The following PLEKHG1 variants were observed in gnomAD, a reference collection of about 807,000 sequenced individuals.
The protein encoded by PLEKHG1 is pleckstrin homology domain-containing family G member 1.
In PLEKHG1, 44 loss-of-function variants were observed where a neutral mutation model predicts 100.8. The observed-to-expected ratio is 0.44, with a 90% CI of 0.34 to 0.56. The LOEUF is 0.56. PLEKHG1 is among the 20% of genes least tolerant of loss of function. The pLI is 0.01. For missense variants in PLEKHG1, 1,545 were observed against 1,720.9 expected (o/e 0.90, Z 1.81); for synonymous variants, 640 against 662.5 (o/e 0.97, Z 0.52).
chr6:150,694,787 TA>T (rs1780482129), intron 3 of PLEKHG1, among the ~76,000 whole-genome samples: 1 of 152,168 alleles, frequency 6.6e-6, no homozygotes, highest in South Asian at 2.1e-4. Flanking sequence ...TTTATATTAT[TA>T]AGTAGTCCTC....
intron 1 of PLEKHG1, among the ~76,000 whole-genome samples, chr6:150,723,594 A>G (rs1258399884): frequency 3.9e-5 from 6 of 152,170 alleles, no homozygotes; most frequent in East Asian, 1.9e-4. Context: ...TTTTTTCCCC[A>G]TCTATACAGT....
intron 2 of PLEKHG1, among the ~76,000 whole-genome samples, chr6:150,741,867 A>C (rs983668106): frequency 6.6e-6 from 1 of 152,212 alleles, no homozygotes; most frequent in African/African-American, 2.4e-5. Flanking sequence ...TATGAGGGAG[A>C]GTTGTGTACG....
intron 1 of PLEKHG1, among the ~76,000 whole-genome samples, chr6:150,610,329 C>T (rs373147568): frequency 7.2e-5 from 11 of 152,110 alleles, no homozygotes; most frequent in Admixed American, 3.9e-4. Context: ...CCCGAACTCC[C>T]GACCTTAAGT....
intron 2 of PLEKHG1, among the ~76,000 whole-genome samples, chr6:150,762,488 T>C (rs930118071): frequency 1.3e-5 from 2 of 151,994 alleles, no homozygotes; most frequent in Non-Finnish European, 2.9e-5. Context: ...CATGAGCCAC[T>C]GTGCCCGGCC....
intron 3 of PLEKHG1, among the ~76,000 whole-genome samples, chr6:150,661,245 ATC>A (rs1779177677): frequency 6.6e-6 from 1 of 152,224 alleles, no homozygotes. Context: ...CCACCAAAAT[ATC>A]TCTCTCAACA....
At chr6:150,767,118 AT>A (rs1333745440) in intron 2 of PLEKHG1, among the ~76,000 whole-genome samples, 1 of 152,228 alleles carries the variant, frequency 6.6e-6, no homozygotes, top group Non-Finnish European at 1.5e-5. Context: ...AGAAATATCA[AT>A]GAATATATTT....
At chr6:150,637,296 G>T (rs1328228393) in intron 1 of PLEKHG1, among the ~76,000 whole-genome samples, 1 of 150,592 alleles carries the variant, frequency 6.6e-6, no homozygotes, top group Non-Finnish European at 1.5e-5. Flanking sequence ...ACTTGAAGGA[G>T]ATTTTCCCAG....
chr6:150,742,755 A>AT (rs1014289518), intron 2 of PLEKHG1, among the ~76,000 whole-genome samples: 4 of 152,080 alleles, frequency 2.6e-5, no homozygotes, highest in Non-Finnish European at 5.9e-5. Context: ...GATCCAAACT[A>AT]TATCAGTAAC....
At chr6:150,822,737 T>A (rs1212821863) in intron 13 of PLEKHG1, among the ~76,000 whole-genome samples, 1 of 152,236 alleles carries the variant, frequency 6.6e-6, no homozygotes, top group Non-Finnish European at 1.5e-5. Flanking sequence ...ACCAACACTT[T>A]GGGAGGCCGA....
chr6:150,667,009 C>T (rs1486044757), intron 3 of PLEKHG1, among the ~76,000 whole-genome samples: 5 of 152,136 alleles, frequency 3.3e-5, no homozygotes, highest in Non-Finnish European at 7.4e-5. Context: ...CCACCCAACT[C>T]GGCCTCCCAA....
At chr6:150,710,685 C>T (rs1389506549) in intron 3 of PLEKHG1, among the ~76,000 whole-genome samples, 2 of 151,750 alleles carry the variant, frequency 1.3e-5, no homozygotes, top group Non-Finnish European at 2.9e-5. Context: ...AACAAGATTG[C>T]CCAGAAAAAA....
At chr6:150,798,674 A>G (rs535643850) in intron 5 of PLEKHG1, among the ~76,000 whole-genome samples, 3 of 152,374 alleles carry the variant, frequency 2.0e-5, no homozygotes, top group Middle Eastern at 3.4e-3. Flanking sequence ...TCAAATAAAT[A>G]TAAATTAACA....
At chr6:150,805,866 A>G (rs1787056020) in intron 7 of PLEKHG1, among the ~76,000 whole-genome samples, 1 of 152,136 alleles carries the variant, frequency 6.6e-6, no homozygotes, top group East Asian at 1.9e-4. Context: ...AGTTTGCTAA[A>G]GGCCTATCCA....
At chr6:150,807,825 C>T (rs1358036026) in intron 7 of PLEKHG1, among the ~76,000 whole-genome samples, 3 of 152,020 alleles carry the variant, frequency 2.0e-5, no homozygotes, top group Non-Finnish European at 4.4e-5. Flanking sequence ...AAAAATTAAC[C>T]AGGCATGGTG....
chr6:150,608,834 C>T lies in PLEKHG1; in HGVS notation c.-204+8817C>T, dbSNP rs553179427. 2.1e-4 allele frequency among the ~76,000 whole-genome samples: 32 copies of T among 152,272 alleles called. No homozygotes were observed. In the South Asian group the frequency reaches 6.6e-3, roughly 32 times the overall value. On this transcript the variant is annotated intron_variant, in intron 1 of 3. Coordinates refer to the PLEKHG1 transcript ENST00000367326. ...CAGTCTGTATGTTATTTGGAAGTTA[C>T]TTGAAAATGCCTTCTAAAATGGGGA...
At chr6:150,836,360 A>C (rs1002443330) in intron 15 of PLEKHG1, among the ~76,000 whole-genome samples, 3 of 152,226 alleles carry the variant, frequency 2.0e-5, no homozygotes, top group African/African-American at 7.2e-5. Context: ...CCTGGGCAAC[A>C]GAGTGAGACT....
At chr6:150,676,508 T>C (rs1328309341) in intron 3 of PLEKHG1, among the ~76,000 whole-genome samples, 1 of 152,170 alleles carries the variant, frequency 6.6e-6, no homozygotes, top group Non-Finnish European at 1.5e-5. Flanking sequence ...CCTGACAGTA[T>C]ATAATAAGGA....
Position 150,600,193 on chromosome 6 carries a change from C to T in PLEKHG1, c.-204+176C>T, listed in dbSNP as rs1562373870. 6.6e-6 allele frequency among the ~76,000 whole-genome samples: 1 copy of T among 151,000 alleles called. No individual in the cohort carries two copies. The highest frequency in any genetic ancestry group is 2.1e-4 in the South Asian group (1 of 4,798). ...AGTGGGGACGGAGGGCCTTGGGGGG[C>T]GCCGAGCGGTGGGGACAGAGGGCGC... On this transcript the variant is annotated intron_variant, in intron 1 of 3. Coordinates refer to the PLEKHG1 transcript ENST00000367326. This position sits in a 1 kb window ranked among gnomAD's most constrained non-coding sequence, Gnocchi z 6.2.
intron 7 of PLEKHG1, among the ~76,000 whole-genome samples, chr6:150,807,905 G>T (rs1026925396): frequency 6.6e-6 from 1 of 152,102 alleles, no homozygotes; most frequent in Non-Finnish European, 1.5e-5. Flanking sequence ...GGAGGGAGAG[G>T]TTGCAGTGAG....
Sources: allele counts gnomAD v4.1 joint callset (sites outside exome capture counted in the v4.1 genomes callset), GRCh38; gene constraint gnomAD v4.1.1; non-coding constraint Gnocchi (gnomAD v3.1); transcripts MANE v1.5; gene names NCBI Gene and HGNC (gene_info 2026-07-23, HGNC 2026-07-21).